The following PRDM5 variants were observed in gnomAD, a reference collection of about 807,000 sequenced individuals.
PRDM5 encodes the protein PR/SET domain 5, also known as PR domain zinc finger protein 5.
In PRDM5, 56 loss-of-function variants were observed where a neutral mutation model predicts 81.2. That is an observed-to-expected ratio of 0.69 (90% CI 0.56 to 0.86). PRDM5 has a LOEUF of 0.86. PRDM5 is among the 40% of genes least tolerant of loss of function. PRDM5 has a pLI of 0.00. For missense variants in PRDM5, 697 were observed against 770.1 expected (o/e 0.91, Z 1.12); for synonymous variants, 267 against 256.4 (o/e 1.04, Z -0.39).
chr4:120,816,027 A>G (rs963188574), intron 7 of PRDM5: 2 of 213,568 alleles, frequency 9.4e-6, no homozygotes, highest in African/African-American at 4.7e-5. Flanking sequence ...AATTTTCTCT[A>G]ACTTAGGAGA....
chr4:120,823,150 C>T (rs1755511960), intron 3 of PRDM5, among the ~76,000 whole-genome samples: 1 of 152,064 alleles, frequency 6.6e-6, no homozygotes, highest in Admixed American at 6.5e-5. Context: ...TGATCAATAT[C>T]CATGAAAGTT....
intron 12 of PRDM5, among the ~76,000 whole-genome samples, chr4:120,777,603 T>C (rs1748371329): frequency 6.6e-6 from 1 of 152,124 alleles, no homozygotes; most frequent in African/African-American, 2.4e-5. Flanking sequence ...AATAGGGCTA[T>C]AGCTACCCTT....
chr4:120,813,868 G>C (rs1276876584), intron 7 of PRDM5, among the ~76,000 whole-genome samples: 1 of 152,038 alleles, frequency 6.6e-6, no homozygotes, highest in Non-Finnish European at 1.5e-5. Context: ...CACTGGATGG[G>C]TCCGAGGAGG....
At chr4:120,759,126 C>G (rs17051243) in intron 13 of PRDM5, among the ~76,000 whole-genome samples, 1 of 150,994 alleles carries the variant, frequency 6.6e-6, no homozygotes, top group Non-Finnish European at 1.5e-5. Flanking sequence ...ATGAGGTCTA[C>G]GTAAATCACT....
At chr4:120,901,487 A>G (rs755885284) in intron 2 of PRDM5, among the ~76,000 whole-genome samples, 3 of 152,212 alleles carry the variant, frequency 2.0e-5, no homozygotes, top group Non-Finnish European at 2.9e-5. Context: ...TTTAAATGCC[A>G]TTAAGTCAGG....
chr4:120,704,359 C>G (rs1463816539), intron 15 of PRDM5, among the ~76,000 whole-genome samples: 3 of 152,148 alleles, frequency 2.0e-5, no homozygotes, highest in South Asian at 2.1e-4. Context: ...CAGGGGAGAG[C>G]AAAAACTAGT....
chr4:120,704,421 C>A (rs1242519464), intron 15 of PRDM5, among the ~76,000 whole-genome samples: 4 of 152,148 alleles, frequency 2.6e-5, no homozygotes, highest in Non-Finnish European at 5.9e-5. Context: ...TGATTCGTAT[C>A]CAAACTTTCA....
At chr4:120,711,497 A>G (rs1306982877) in intron 14 of PRDM5, among the ~76,000 whole-genome samples, 1 of 146,074 alleles carries the variant, frequency 6.8e-6, no homozygotes, top group Non-Finnish European at 1.5e-5. Flanking sequence ...TTTAGTAGAG[A>G]TGGGGTTTCA....
At chr4:120,848,029 T>C (rs1044001907) in intron 3 of PRDM5, among the ~76,000 whole-genome samples, 2 of 152,188 alleles carry the variant, frequency 1.3e-5, no homozygotes, top group Non-Finnish European at 2.9e-5. Flanking sequence ...TTTCAAGAGA[T>C]CTAAATGTTA....
chr4:120,855,504 C>T (rs1412634829), intron 2 of PRDM5, among the ~76,000 whole-genome samples: 6 of 152,114 alleles, frequency 3.9e-5, no homozygotes, highest in Non-Finnish European at 7.3e-5. Context: ...ACTCACTGCC[C>T]ACTGGGAAAT....
chr4:120,710,438 C>A (rs1207524710), intron 14 of PRDM5, 25 bp from the exon 15 acceptor site: 2 of 1,588,670 alleles, frequency 1.3e-6, no homozygotes, highest in Non-Finnish European at 1.7e-6. Context: ...AAGAGACCAC[C>A]AAAATTGCCA....
chr4:120,840,662 G>A (rs1363241818), intron 3 of PRDM5, among the ~76,000 whole-genome samples: 2 of 152,152 alleles, frequency 1.3e-5, no homozygotes, highest in Non-Finnish European at 2.9e-5. Flanking sequence ...GCCCCTCTCT[G>A]CCCAACCTGG....
intron 3 of PRDM5, among the ~76,000 whole-genome samples, chr4:120,823,716 C>G (rs1755597060): frequency 6.6e-6 from 1 of 152,188 alleles, no homozygotes; most frequent in East Asian, 1.9e-4. Flanking sequence ...GCCATTTTGT[C>G]CACCTGGAGG....
chr4:120,775,362 G>T (rs1747999088), intron 13 of PRDM5, among the ~76,000 whole-genome samples: 1 of 152,002 alleles, frequency 6.6e-6, no homozygotes, highest in Non-Finnish European at 1.5e-5. Flanking sequence ...AATTTTAGAA[G>T]CAATTACTAG....
intron 3 of PRDM5, among the ~76,000 whole-genome samples, chr4:120,825,168 C>G (rs1355806633): frequency 6.6e-6 from 1 of 152,110 alleles, no homozygotes; most frequent in Non-Finnish European, 1.5e-5. Flanking sequence ...ATTTCCTCAT[C>G]TGTAAAATGG....
At chr4:120,915,043 T>A (rs1454333540) in intron 1 of PRDM5, among the ~76,000 whole-genome samples, 1 of 152,180 alleles carries the variant, frequency 6.6e-6, no homozygotes, top group Non-Finnish European at 1.5e-5. Context: ...ATATTGGATT[T>A]AATATACATT....
chr4:120,910,987 A>T (rs895272829), intron 1 of PRDM5, among the ~76,000 whole-genome samples: 1 of 152,096 alleles, frequency 6.6e-6, no homozygotes, highest in Non-Finnish European at 1.5e-5. Context: ...CATTATTGGT[A>T]TTACCTTTGA....
At chr4:120,912,493 T>C (rs1766632359) in intron 1 of PRDM5, among the ~76,000 whole-genome samples, 1 of 152,126 alleles carries the variant, frequency 6.6e-6, no homozygotes, top group Non-Finnish European at 1.5e-5. Flanking sequence ...GTCACTGTTA[T>C]TAAAAAGGGG....
chr4:120,899,466 T>G (rs1029677096), intron 2 of PRDM5, among the ~76,000 whole-genome samples: 20 of 152,224 alleles, frequency 1.3e-4, no homozygotes, highest in African/African-American at 4.6e-4. Flanking sequence ...AAGCCAGGCA[T>G]GAAGGCCTGG....
Sources: allele counts gnomAD v4.1 joint callset (sites outside exome capture counted in the v4.1 genomes callset), GRCh38; gene constraint gnomAD v4.1.1; transcripts MANE v1.5; gene names NCBI Gene and HGNC (gene_info 2026-07-23, HGNC 2026-07-21).